The following PALLD variants were observed in gnomAD, a reference collection of about 807,000 sequenced individuals.
PALLD encodes palladin.
In PALLD, 61 loss-of-function variants were observed where a neutral mutation model predicts 123.5. That is an observed-to-expected ratio of 0.49 (90% CI 0.40 to 0.61). The LOEUF (loss-of-function observed/expected upper bound fraction) is 0.61, where lower values mean the gene tolerates loss of function less well. Among genes scored for constraint, PALLD ranks in the 20% least tolerant of loss-of-function variants. PALLD has a pLI of 0.00. For missense variants in PALLD, 1,273 were observed against 1,377.0 expected, an observed-to-expected ratio of 0.92 and a Z score of 1.20; for synonymous variants, 465 against 496.4, an observed-to-expected ratio of 0.94 and a Z score of 0.84.
chr4:168,861,543 A>T (rs1006987745), intron 10 of PALLD, among the ~76,000 whole-genome samples: 1 of 151,994 alleles, frequency 6.6e-6, no homozygotes. Context: ...TCTCTTATGG[A>T]TCACCCTTTT....
At chr4:168,527,687 A>G (rs1426839005) in intron 2 of PALLD, among the ~76,000 whole-genome samples, 1 of 152,130 alleles carries the variant, frequency 6.6e-6, no homozygotes, top group East Asian at 1.9e-4. Flanking sequence ...CCTCTGACTC[A>G]TCATCTTTCA....
chr4:168,830,518 A>G (rs1744051760), intron 10 of PALLD, among the ~76,000 whole-genome samples: 1 of 133,172 alleles, frequency 7.5e-6, no homozygotes, highest in African/African-American at 2.8e-5. Flanking sequence ...CAACAGAGTG[A>G]GACCCTGTCT....
At chr4:168,707,013 TG>T (rs1222025084) in intron 8 of PALLD, among the ~76,000 whole-genome samples, 1 of 152,238 alleles carries the variant, frequency 6.6e-6, no homozygotes, top group Non-Finnish European at 1.5e-5. Context: ...ATTAATTTGA[TG>T]TATAGGTAAA....
At chr4:168,513,996 C>G (rs1386520886) in intron 2 of PALLD, among the ~76,000 whole-genome samples, 2 of 152,006 alleles carry the variant, frequency 1.3e-5, no homozygotes, top group African/African-American at 4.8e-5. Flanking sequence ...ATTCCAGCTA[C>G]TCAAGAGGCT....
At chr4:168,561,996 C>A (rs1415248673) in intron 2 of PALLD, among the ~76,000 whole-genome samples, 1 of 151,962 alleles carries the variant, frequency 6.6e-6, no homozygotes, top group South Asian at 2.1e-4. Flanking sequence ...CTTTTACAGA[C>A]ATTGCCTAAA....
rs1209353195 is a variant in PALLD at position 168,919,522 on chromosome 4, TA to T, written c.2851-1997del. Among the ~76,000 whole-genome samples, 365 of 124,304 alleles carry T rather than the reference TA, an allele frequency of 2.9e-3. 1 individual carries two copies. The highest frequency in any genetic ancestry group is 2.7e-3 in the Non-Finnish European group (156 of 57,894). The allele number at this position is 124,304 out of a possible 152,430, so 81.5% of individuals were successfully genotyped here. ...GCCTGGGCAAGGAGCAAGACTGTCT[TA>T]AAAAAAAAAAAAAAGTGAAAAACCT... On this transcript the variant is annotated intron_variant, in intron 17 of 21. Coordinates refer to ENST00000505667, the MANE Select transcript of PALLD (RefSeq NM_001166108.2).
At position 168,685,561 on chromosome 4, in the gene PALLD, T is replaced by A. The variant is rs1364863145; in HGVS notation, c.1335+2T>A. 1.3e-6 allele frequency: 2 copies of A among 1,592,666 alleles called. No homozygotes were observed. The highest frequency in any genetic ancestry group is 1.7e-5 in the Admixed American group (1 of 59,986). ...TACTTTCCTCCTGTTTTTACAAAGG[T>A]CTGACATCTGGAAGTCTCATTCTCT... On this transcript the variant is annotated splice_donor_variant, in intron 6 of 21. Coordinates refer to ENST00000505667, the MANE Select transcript of PALLD (RefSeq NM_001166108.2). LOFTEE classifies it high-confidence loss of function.
rs545680651 is a variant in PALLD, at chr4:168,682,935, A to C, written c.1155-63A>C. The C allele has an allele frequency of 3.6e-5, 36 of 993,616 alleles. No individual in the cohort carries two copies. The African/African-American group carries it at 5.4e-4, about 15-fold the overall frequency. The allele number at this position is 993,616 out of a possible 1,614,324, so 61.5% of individuals were successfully genotyped here. On this transcript the variant is annotated intron_variant, in intron 4 of 21. Coordinates refer to ENST00000505667, the MANE Select transcript of PALLD (RefSeq NM_001166108.2). ...TTCAAGGAATTATTTCTGCTAAAAAAAAAAAACAAAAAAACGAAAACAAAA... is the reference window on the plus strand; with the variant it reads ...TTCAAGGAATTATTTCTGCTAAAAACAAAAAACAAAAAAACGAAAACAAAA...
At chr4:168,569,834 C>G (rs868697667) in intron 2 of PALLD, among the ~76,000 whole-genome samples, 4 of 152,090 alleles carry the variant, frequency 2.6e-5, no homozygotes, top group African/African-American at 7.2e-5. Flanking sequence ...TCTTCTGCTG[C>G]CTAGAAAATA....
intron 2 of PALLD, among the ~76,000 whole-genome samples, chr4:168,605,466 GC>G (rs1029142468): frequency 2.6e-5 from 4 of 152,082 alleles, no homozygotes; most frequent in African/African-American, 7.2e-5. Flanking sequence ...TGAAAAAAAT[GC>G]CCCCACCAAT....
At chr4:168,842,035 T>C (rs1391913087) in intron 10 of PALLD, among the ~76,000 whole-genome samples, 3 of 152,240 alleles carry the variant, frequency 2.0e-5, no homozygotes, top group Non-Finnish European at 4.4e-5. Context: ...TGATGAAGAC[T>C]GAATATCTTG....
At chr4:168,751,965 A>G (rs747211865) in intron 10 of PALLD, among the ~76,000 whole-genome samples, 1 of 152,254 alleles carries the variant, frequency 6.6e-6, no homozygotes, top group Non-Finnish European at 1.5e-5. Flanking sequence ...TACACAGAAC[A>G]TGAAAGGCTG....
chr4:168,584,344 C>T (rs1047629202), intron 2 of PALLD, among the ~76,000 whole-genome samples: 5 of 152,064 alleles, frequency 3.3e-5, no homozygotes, highest in African/African-American at 1.2e-4. Context: ...TTAAGAATGC[C>T]AATAGGCATG....
At chr4:168,796,810 G>A (rs1336044156) in intron 10 of PALLD, among the ~76,000 whole-genome samples, 1 of 152,186 alleles carries the variant, frequency 6.6e-6, no homozygotes, top group East Asian at 1.9e-4. Context: ...CCTTTTCATA[G>A]TAATAGTAAA....
Position 168,637,087 on chromosome 4 carries a change from C to T in PALLD, c.909-31103C>T, listed in dbSNP as rs193148151. On this transcript the variant is annotated intron_variant, in intron 2 of 21. Transcript: ENST00000505667. ...GTTTATTAAGGACTCCTGGAGAGTGCGATGACTACAAATCAGTGGTAATGT... is the reference window on the plus strand; with the variant it reads ...GTTTATTAAGGACTCCTGGAGAGTGTGATGACTACAAATCAGTGGTAATGT... Among the ~76,000 whole-genome samples, 242 of 152,186 alleles carry T rather than the reference C, an allele frequency of 1.6e-3. 3 individuals carry two copies. The highest frequency in any genetic ancestry group is 1.3e-3 in the Non-Finnish European group (86 of 67,996).
At chr4:168,503,030 G>A (rs138240262) in intron 1 of PALLD, among the ~76,000 whole-genome samples, 1 of 152,202 alleles carries the variant, frequency 6.6e-6, no homozygotes, top group Non-Finnish European at 1.5e-5. Flanking sequence ...TCACATGTGT[G>A]TCAAATCCTA....
At chr4:168,550,757 T>C (rs1366745889) in intron 2 of PALLD, among the ~76,000 whole-genome samples, 1 of 152,230 alleles carries the variant, frequency 6.6e-6, no homozygotes, top group Non-Finnish European at 1.5e-5. Context: ...TCGTTTTGTC[T>C]CTTTAGAGAC....
intron 2 of PALLD, among the ~76,000 whole-genome samples, chr4:168,600,734 T>C (rs1032416047): frequency 7.9e-5 from 12 of 152,096 alleles, no homozygotes; most frequent in Admixed American, 1.3e-4. Context: ...TAGTTTTATA[T>C]TGGGGGGCAG....
intron 2 of PALLD, among the ~76,000 whole-genome samples, chr4:168,630,616 T>C (rs531943005): frequency 6.6e-6 from 1 of 152,342 alleles, no homozygotes; most frequent in South Asian, 2.1e-4. Context: ...TTTTTTGATA[T>C]GGTTTCTAAT....
Sources: gnomAD v4.1 joint callset for allele counts (sites outside exome capture counted in the v4.1 genomes callset) on GRCh38, gnomAD v4.1.1 for gene constraint, MANE v1.5 for transcripts, NCBI Gene and HGNC (gene_info 2026-07-23, HGNC 2026-07-21) for gene names.